The following CDH6 variants were observed in gnomAD, a reference collection of about 807,000 sequenced individuals.
CDH6 encodes cadherin-6.
A neutral mutation model predicts 78.0 loss-of-function variants in CDH6; 31 were observed. That is an observed-to-expected ratio of 0.40 (90% confidence interval 0.30 to 0.54). The LOEUF (loss-of-function observed/expected upper bound fraction) is 0.54, where lower values mean the gene tolerates loss of function less well. Ranked by LOEUF, CDH6 falls within the 20% of genes least tolerant of loss-of-function variation. The pLI, the probability that CDH6 is intolerant of heterozygous loss-of-function variation, is 0.56. For missense variants in CDH6, 724 were observed against 975.9 expected, an observed-to-expected ratio of 0.74 and a Z score of 3.44; for synonymous variants, 376 against 368.8, an observed-to-expected ratio of 1.02 and a Z score of -0.23.
At chr5:31,299,029 G>A (rs1377016398) in intron 4 of CDH6, among the ~76,000 whole-genome samples, 1 of 152,184 alleles carries the variant, frequency 6.6e-6, no homozygotes, top group East Asian at 1.9e-4. Context: ...GTCAGTTCAA[G>A]TATGTGGCTT....
Position 31,316,196 on chromosome 5 carries a change from G to A in CDH6, c.1391-12G>A, listed in dbSNP as rs751420319. 6.3e-7 allele frequency: 1 copy of A among 1,588,004 alleles called. No homozygotes were observed. Among genetic ancestry groups the A allele is most frequent in the South Asian group, 1.2e-5 (1 of 85,664 alleles). ...TGTAAATGCCTTTTTCTTTCTTTTTGGTTTGTGACAGATAATCCAAAGCAA... is the reference window on the plus strand; with the variant it reads ...TGTAAATGCCTTTTTCTTTCTTTTTAGTTTGTGACAGATAATCCAAAGCAA... On this transcript the variant is annotated splice_polypyrimidine_tract_variant and intron_variant, in intron 8 of 11. Transcript: ENST00000265071.
intron 3 of CDH6, among the ~76,000 whole-genome samples, chr5:31,296,105 C>T (rs1737586747): frequency 1.3e-5 from 2 of 152,148 alleles, no homozygotes; most frequent in Non-Finnish European, 1.5e-5. Flanking sequence ...TCTATTTCTT[C>T]AATAAGTGAA....
intron 2 of CDH6, among the ~76,000 whole-genome samples, chr5:31,274,641 A>C (rs1313948362): frequency 6.6e-6 from 1 of 152,202 alleles, no homozygotes; most frequent in Admixed American, 6.5e-5. Context: ...CCAACATGGC[A>C]AAACCCCATC....
chr5:31,280,315 A>G (rs531956058), intron 2 of CDH6, among the ~76,000 whole-genome samples: 8 of 152,342 alleles, frequency 5.3e-5, no homozygotes, highest in African/African-American at 1.7e-4. Flanking sequence ...TTTACAGCTT[A>G]TAAAATGCTG....
At chr5:31,224,676 C>T (rs1374545026) in intron 1 of CDH6, among the ~76,000 whole-genome samples, 3 of 152,108 alleles carry the variant, frequency 2.0e-5, no homozygotes, top group African/African-American at 7.2e-5. Flanking sequence ...ACCTCAGCCT[C>T]CCAAGTAGCT....
At chr5:31,291,801 G>T (rs994835468) in intron 2 of CDH6, among the ~76,000 whole-genome samples, 2 of 152,146 alleles carry the variant, frequency 1.3e-5, no homozygotes, top group Non-Finnish European at 2.9e-5. Flanking sequence ...CGTTTCCTTA[G>T]CATATCCCAT....
intron 1 of CDH6, 100 bp downstream of exon 1, chr5:31,193,986 C>G (rs1226906352): frequency 4.2e-4 from 2 of 4,766 alleles, no homozygotes; most frequent in Non-Finnish European, 7.0e-4. Flanking sequence ...CCTCTCCGCC[C>G]GGTGGGTGCC....
chr5:31,242,993 A>C (rs1017366914), intron 1 of CDH6, among the ~76,000 whole-genome samples: 1 of 152,174 alleles, frequency 6.6e-6, no homozygotes, highest in African/African-American at 2.4e-5. Context: ...ACTATGTTGT[A>C]CTGATGAATC....
At chr5:31,322,695 G>A (rs1031757970) in intron 11 of CDH6, 123 bp from the exon 12 acceptor site, 8 of 1,154,432 alleles carry the variant, frequency 6.9e-6, no homozygotes, top group Non-Finnish European at 9.8e-6. Flanking sequence ...AGAAATAAAA[G>A]TTGAGTCTGC....
intron 1 of CDH6, among the ~76,000 whole-genome samples, chr5:31,235,273 C>A (rs1340604029): frequency 2.6e-4 from 10 of 38,796 alleles, no homozygotes; most frequent in Admixed American, 1.2e-3. Context: ...GCCATTCTTT[C>A]AAGCCCAAAG....
chr5:31,216,055 C>A (rs1285235805), intron 1 of CDH6, among the ~76,000 whole-genome samples: 1 of 151,826 alleles, frequency 6.6e-6, no homozygotes, highest in African/African-American at 2.4e-5. Flanking sequence ...TTTTAAAGTT[C>A]TACAACATAG....
intron 7 of CDH6, among the ~76,000 whole-genome samples, chr5:31,311,702 C>A (rs570179350): frequency 1.3e-5 from 2 of 152,114 alleles, no homozygotes; most frequent in South Asian, 2.1e-4. Flanking sequence ...GTAATCATGG[C>A]GAAATGTAAA....
chr5:31,285,059 A>C (rs16900832), intron 2 of CDH6, among the ~76,000 whole-genome samples: 3,541 of 152,330 alleles, frequency 0.023, 87 homozygotes, highest in African/African-American at 0.061. Flanking sequence ...TCTAATCCTC[A>C]ATGGCACTAG....
At chr5:31,236,872 A>C (rs10067056) in intron 1 of CDH6, among the ~76,000 whole-genome samples, 1 of 152,148 alleles carries the variant, frequency 6.6e-6, no homozygotes, top group Non-Finnish European at 1.5e-5. Context: ...TTTCATCACA[A>C]TTACTGCCTT....
intron 1 of CDH6, among the ~76,000 whole-genome samples, chr5:31,194,610 A>C (rs1262890661): frequency 6.6e-6 from 1 of 152,150 alleles, no homozygotes; most frequent in East Asian, 1.9e-4. Context: ...CACACTGTCC[A>C]GGGAAAAGTC....
chr5:31,209,456 T>C (rs980383781), intron 1 of CDH6, among the ~76,000 whole-genome samples: 7 of 152,116 alleles, frequency 4.6e-5, no homozygotes, highest in Admixed American at 2.0e-4. Context: ...GAATGAGAAG[T>C]AGAGAGTTAA....
At chr5:31,297,226 G>C in intron 3 of CDH6, 63 bp from the exon 4 acceptor site, 1 of 1,403,464 alleles carries the variant, frequency 7.1e-7, no homozygotes, top group Non-Finnish European at 1.0e-6. Context: ...GCTGGTTTTG[G>C]TGTGTGTCAA....
intron 2 of CDH6, among the ~76,000 whole-genome samples, chr5:31,290,557 G>A (rs1743127401): frequency 6.6e-6 from 1 of 152,108 alleles, no homozygotes; most frequent in Non-Finnish European, 1.5e-5. Flanking sequence ...GGCCATGATG[G>A]ATGACATCAC....
At chr5:31,320,054 C>T (rs1738437461) in intron 11 of CDH6, among the ~76,000 whole-genome samples, 1 of 152,194 alleles carries the variant, frequency 6.6e-6, no homozygotes, top group African/African-American at 2.4e-5. Flanking sequence ...AATCTTACTG[C>T]TGTCCTCTGG....
Sources: gnomAD v4.1 joint callset for allele counts (sites outside exome capture counted in the v4.1 genomes callset) on GRCh38, gnomAD v4.1.1 for gene constraint, MANE v1.5 for transcripts, NCBI Gene and HGNC (gene_info 2026-07-23, HGNC 2026-07-21) for gene names.